Variants in MTUS2 observed in about 807,000 individuals in gnomAD.
MTUS2 encodes microtubule-associated tumor suppressor candidate 2.
MTUS2 carries 40 observed loss-of-function variants against 114.1 expected under a neutral mutation model. The observed-to-expected ratio is 0.35, with a 90% confidence interval of 0.27 to 0.46. The LOEUF (loss-of-function observed/expected upper bound fraction) is 0.46, where lower values mean the gene tolerates loss of function less well. Among genes scored for constraint, MTUS2 ranks in the 20% least tolerant of loss-of-function variants. The pLI, the probability that MTUS2 is intolerant of heterozygous loss-of-function variation, is 1.00. For missense variants in MTUS2, 1,679 were observed against 1,705.4 expected (o/e 0.98, Z 0.27); for synonymous variants, 688 against 672.0 (o/e 1.02, Z -0.37).
chr13:28,842,818 A>AC lies in MTUS2; in HGVS notation c.-243+2971dup, dbSNP rs1208195726. Among the ~76,000 whole-genome samples, 6 of 152,270 alleles carry AC rather than the reference A, an allele frequency of 3.9e-5. No homozygotes were observed. The East Asian group carries it at 1.2e-3, about 29-fold the overall frequency. ...GTGCTTAATGGGATGGAATGACTTT[A>AC]CCCTGTGCAGATGCTAGTAGCAGCC... is the stretch of plus-strand genomic sequence containing the variant. On this transcript the variant is annotated intron_variant, in intron 2 of 15. Coordinates refer to ENST00000612955, the MANE Select transcript of MTUS2 (RefSeq NM_001033602.4).
At chr13:29,498,565 T>C in intron 14 of MTUS2, 28 bp downstream of exon 14, 1 of 1,613,060 alleles carries the variant, frequency 6.2e-7, no homozygotes, top group South Asian at 1.1e-5. Flanking sequence ...CTCGGGAGAG[T>C]AACCTCCATG....
rs774810160 is a variant in MTUS2, at chr13:29,026,407, T to C, written c.1709T>C (p.Val570Ala). 1.9e-6 allele frequency: 3 copies of C among 1,613,728 alleles called. No individual in the cohort carries two copies. Among genetic ancestry groups the C allele is most frequent in the Non-Finnish European group, 2.5e-6 (3 of 1,179,838 alleles). ...GGTATGGATGCGGGGTCCCCCTTGG[T>C]AGTTCCACCCCCTACTGATAGTGCA... is the stretch of plus-strand genomic sequence containing the variant. ...VFGMDAGSPL[V>A]VPPPTDSARL... The change falls in exon 3 of 16, where the codon GTA (valine) becomes GCA (alanine). Residue 570 changes from valine to alanine, a missense_variant. Val to Ala is a moderately conservative substitution (Grantham distance 64). This residue lies in a region of MTUS2 where 843 missense variants were observed against 770.8 expected (regional missense o/e 1.09). Transcript: ENST00000612955.
intron 5 of MTUS2, among the ~76,000 whole-genome samples, chr13:29,198,661 G>T (rs865986937): frequency 1.1e-4 from 16 of 152,272 alleles, no homozygotes; most frequent in Middle Eastern, 6.8e-3. Flanking sequence ...ACTTTGGAAA[G>T]TATGGCCATT....
intron 5 of MTUS2, among the ~76,000 whole-genome samples, chr13:29,224,213 A>G (rs1366091678): frequency 6.6e-6 from 1 of 152,218 alleles, no homozygotes; most frequent in African/African-American, 2.4e-5. Context: ...GTGACACCCC[A>G]AGGATCCTAT....
At chr13:29,102,674 C>T (rs2138829016) in intron 5 of MTUS2, among the ~76,000 whole-genome samples, 1 of 152,240 alleles carries the variant, frequency 6.6e-6, no homozygotes, top group Non-Finnish European at 1.5e-5. Context: ...TATCTGCTAC[C>T]TACTATATAT....
In MTUS2 at chr13:29,194,280, A is replaced by G. The variant is rs540448431; in HGVS notation, c.2645-87424A>G. On this transcript the variant is annotated intron_variant, in intron 5 of 15. Transcript: ENST00000612955. ...AAACTAAAAAGCTTCTACACAGCAAAAGAAACTACCATCAGAGTGAAGAGG... is the reference window on the plus strand; with the variant it reads ...AAACTAAAAAGCTTCTACACAGCAAGAGAAACTACCATCAGAGTGAAGAGG... Among the ~76,000 whole-genome samples, 35 of 152,160 alleles carry G rather than the reference A, an allele frequency of 2.3e-4. No homozygotes were observed. In the South Asian group the frequency reaches 6.6e-3, roughly 29 times the overall value.
chr13:29,348,567 T>C (rs1001623303), intron 7 of MTUS2, among the ~76,000 whole-genome samples: 2 of 152,234 alleles, frequency 1.3e-5, no homozygotes, highest in African/African-American at 2.4e-5. Flanking sequence ...ACAAATGTCA[T>C]AGGTCAAGTT....
chr13:29,390,936 C>G (rs994401710), intron 8 of MTUS2, among the ~76,000 whole-genome samples: 1 of 151,904 alleles, frequency 6.6e-6, no homozygotes, highest in African/African-American at 2.4e-5. Flanking sequence ...GCGCACACCA[C>G]TATGCCCAGC....
At chr13:29,440,616 G>A (rs1328688024) in intron 9 of MTUS2, among the ~76,000 whole-genome samples, 7 of 152,124 alleles carry the variant, frequency 4.6e-5, no homozygotes, top group Non-Finnish European at 1.5e-5. Context: ...ACAGGACCAG[G>A]TATTTGCCAT....
At chr13:29,374,853 G>A (rs1278452489) in intron 8 of MTUS2, among the ~76,000 whole-genome samples, 1 of 152,180 alleles carries the variant, frequency 6.6e-6, no homozygotes, top group African/African-American at 2.4e-5. Context: ...TTGAACCTGG[G>A]AGGAGGAGGT....
intron 4 of MTUS2, among the ~76,000 whole-genome samples, chr13:29,093,465 A>G (rs950113994): frequency 2.0e-5 from 3 of 152,106 alleles, no homozygotes; most frequent in African/African-American, 4.8e-5. Flanking sequence ...ACAAAAAACT[A>G]TGGAGTCTGA....
At chr13:29,494,666 C>T (rs896283795) in intron 12 of MTUS2, among the ~76,000 whole-genome samples, 9 of 152,022 alleles carry the variant, frequency 5.9e-5, no homozygotes, top group Non-Finnish European at 1.2e-4. Context: ...GGCGCGCAAG[C>T]CCCCACCTGC....
chr13:29,099,415 C>A (rs559192528), intron 4 of MTUS2, among the ~76,000 whole-genome samples: 131 of 152,294 alleles, frequency 8.6e-4, no homozygotes, highest in African/African-American at 3.1e-3. Context: ...GGACACACGG[C>A]TCTCCATAGC....
At chr13:29,090,895 C>T (rs1313535842) in intron 4 of MTUS2, among the ~76,000 whole-genome samples, 1 of 152,194 alleles carries the variant, frequency 6.6e-6, no homozygotes, top group East Asian at 1.9e-4. Flanking sequence ...GTCACCTCTC[C>T]AGGCAGTTCT....
chr13:29,270,672 G>A (rs1349495112), intron 5 of MTUS2, among the ~76,000 whole-genome samples: 1 of 152,230 alleles, frequency 6.6e-6, no homozygotes, highest in Non-Finnish European at 1.5e-5. Context: ...CCGAGCATGA[G>A]CACACGCTCC....
Position 29,496,828 on chromosome 13 carries a change from C to T in MTUS2, c.3580-410C>T, listed in dbSNP as rs1566238870. Among the ~76,000 whole-genome samples, 1 of 152,028 alleles carries T rather than the reference C, an allele frequency of 6.6e-6. No individual in the cohort carries two copies. ...GAAGTCAAGGAGGGTTTGAAGGGAT[C>T]TGAATTGAGCTTCCTAAATGAGAAT... On this transcript the variant is annotated intron_variant, in intron 12 of 15. Coordinates refer to ENST00000612955, the MANE Select transcript of MTUS2 (RefSeq NM_001033602.4). The surrounding 1 kb of genome is among the most constrained non-coding windows in gnomAD (Gnocchi z 4.3).
intron 6 of MTUS2, among the ~76,000 whole-genome samples, chr13:29,284,017 A>G (rs550661266): frequency 2.9e-4 from 44 of 152,336 alleles, no homozygotes; most frequent in African/African-American, 1.1e-3. Flanking sequence ...ATCTAACAAA[A>G]TCATACATGC....
chr13:28,958,563 G>A (rs1169557569), intron 2 of MTUS2, among the ~76,000 whole-genome samples: 1 of 152,192 alleles, frequency 6.6e-6, no homozygotes. Flanking sequence ...TGACTGTCTG[G>A]TGTCTCAGGC....
intron 2 of MTUS2, among the ~76,000 whole-genome samples, chr13:28,910,882 T>A (rs1880380463): frequency 8.3e-6 from 1 of 121,072 alleles, no homozygotes; most frequent in Admixed American, 8.7e-5. Context: ...TTTTTTTTTT[T>A]TTTTTTTTTT....
Sources: gnomAD v4.1 joint callset for allele counts (sites outside exome capture counted in the v4.1 genomes callset) on GRCh38, gnomAD v4.1.1 for gene constraint, gnomAD v4.1.1 regional missense constraint, Gnocchi (gnomAD v3.1) non-coding constraint, MANE v1.5 for transcripts, NCBI Gene and HGNC (gene_info 2026-07-23, HGNC 2026-07-21) for gene names.